Variants in QKI observed in about 807,000 individuals in gnomAD.
The protein encoded by QKI is QKI, KH domain containing RNA binding.
In QKI, 10 loss-of-function variants were observed where a neutral mutation model predicts 39.0. The observed-to-expected ratio is 0.26, with a 90% CI of 0.16 to 0.43. The LOEUF is 0.43. Among genes scored for constraint, QKI ranks in the 20% least tolerant of loss-of-function variants. QKI has a pLI of 1.00. For missense variants in QKI, 218 were observed against 428.0 expected, an observed-to-expected ratio of 0.51 and a Z score of 4.33; for synonymous variants, 204 against 155.4, an observed-to-expected ratio of 1.31 and a Z score of -2.33.
intron 3 of QKI, among the ~76,000 whole-genome samples, chr6:163,527,892 C>T (rs1032283827): frequency 6.6e-6 from 1 of 152,104 alleles, no homozygotes; most frequent in Non-Finnish European, 1.5e-5. Context: ...AACAACCTCA[C>T]CTATTCGAAA....
In QKI at chr6:163,423,308, A is replaced by C. The variant is rs1466145624; in HGVS notation, c.142+7973A>C. 3 of 152,272 alleles carry C rather than the reference A, an allele frequency of 2.0e-5. No homozygotes were observed. In the East Asian group the frequency reaches 5.8e-4, roughly 29 times the overall value. The allele number at this position is 152,272 out of a possible 1,614,324, so 9.4% of individuals were successfully genotyped here. A position where few individuals can be genotyped will look rare whatever the true frequency, so the allele number is the denominator to read the frequency against. On this transcript the variant is annotated intron_variant, in intron 1 of 7. Transcript: ENST00000361752. Reference sequence around the variant, plus strand: ...ATCTCAAAAACAAATAAAATTTGGAACCTTTTTTGTAAACTCTTCAATGTC... The same window carrying C: ...ATCTCAAAAACAAATAAAATTTGGACCCTTTTTTGTAAACTCTTCAATGTC...
chr6:163,434,038 G>A (rs1183992876), intron 1 of QKI, among the ~76,000 whole-genome samples: 5 of 152,170 alleles, frequency 3.3e-5, no homozygotes, highest in Admixed American at 2.6e-4. Context: ...TAGCAAAACC[G>A]ATGTCGATTC....
intron 4 of QKI, among the ~76,000 whole-genome samples, chr6:163,556,503 CAAAAAAA>C (rs61233361): frequency 2.4e-5 from 2 of 83,084 alleles, no homozygotes; most frequent in Non-Finnish European, 5.1e-5. Flanking sequence ...AATTCCACCT[CAAAAAAA>C]AAAAAAAAAA....
At position 163,415,143 on chromosome 6, in the gene QKI, C is replaced by CCGGCGGCGG. The variant is rs751570501; in HGVS notation, c.-35_-27dup. 4.3e-4 allele frequency: 585 copies of CCGGCGGCGG among 1,357,142 alleles called. 1 individual carries two copies. The highest frequency in any genetic ancestry group is 2.6e-3 in the African/African-American group (164 of 63,788). The allele number at this position is 1,357,142 out of a possible 1,614,324, so 84.1% of individuals were successfully genotyped here. A position where few individuals can be genotyped will look rare whatever the true frequency, so the allele number is the denominator to read the frequency against. On this transcript the variant is annotated 5_prime_UTR_variant, in exon 1 of 8. Transcript: ENST00000361752. ...GCTCGCCCCCGCCCCTCCCTCCTCTCCGGCGGCGGCGGCGGCGGCGGCGGG... is the reference window on the plus strand; with the variant it reads ...GCTCGCCCCCGCCCCTCCCTCCTCTCCGGCGGCGGCGGCGGCGGCGGCGGCGGCGGCGGG...
chr6:163,525,267 CTT>C (rs59849901), intron 3 of QKI, among the ~76,000 whole-genome samples: 3,636 of 139,154 alleles, frequency 0.026, 152 homozygotes, highest in African/African-American at 0.088. Context: ...ATCTTGTTTC[CTT>C]TTTTTTTTTT....
intron 3 of QKI, among the ~76,000 whole-genome samples, chr6:163,500,561 T>C (rs1299063783): frequency 6.6e-6 from 1 of 152,190 alleles, no homozygotes; most frequent in African/African-American, 2.4e-5. Flanking sequence ...TATTTCCAAT[T>C]TCCTCAATGA....
At chr6:163,477,030 T>C (rs1318545405) in intron 2 of QKI, among the ~76,000 whole-genome samples, 5 of 151,288 alleles carry the variant, frequency 3.3e-5, no homozygotes, top group Non-Finnish European at 1.5e-5. Context: ...GTTTTTTTTT[T>C]TTTGAGACAG....
chr6:163,424,630 C>A (rs1457621034), intron 1 of QKI, among the ~76,000 whole-genome samples: 3 of 150,228 alleles, frequency 2.0e-5, no homozygotes, highest in Non-Finnish European at 2.9e-5. Flanking sequence ...AGCATCACTG[C>A]TTGGTTTTTA....
chr6:163,498,131 T>C (rs1405120083), intron 3 of QKI, among the ~76,000 whole-genome samples: 2 of 151,518 alleles, frequency 1.3e-5, no homozygotes, highest in Non-Finnish European at 1.5e-5. Context: ...AGTAGTCTTA[T>C]TTGCTTATAG....
Position 163,415,170 on chromosome 6 carries a change from G to T in QKI, c.-24G>T, listed in dbSNP as rs201861532. The T allele has an allele frequency of 9.2e-5, 135 of 1,462,818 alleles. No homozygotes were observed. In the African/African-American group the frequency reaches 1.5e-3, roughly 16 times the overall value. 90.6% of individuals were successfully genotyped at this position (1,462,818 alleles called of 1,614,324 possible). ...GGCGGCGGCGGCGGCGGCGGCGGGCGGAGTGAGCTGCGGAGCCTGGAATAT... is the reference window on the plus strand; with the variant it reads ...GGCGGCGGCGGCGGCGGCGGCGGGCTGAGTGAGCTGCGGAGCCTGGAATAT... On this transcript the variant is annotated 5_prime_UTR_variant, in exon 1 of 8. Transcript: ENST00000361752.
At chr6:163,517,080 TTTCTC>T (rs879372451) in intron 3 of QKI, among the ~76,000 whole-genome samples, 43,254 of 135,956 alleles carry the variant, frequency 0.32, 6,806 homozygotes, top group African/African-American at 0.49. Context: ...TCTCTCTCTC[TTTCTC>T]TCTCTCTCTC....
At chr6:163,420,190 CTTTT>C (rs35712540) in intron 1 of QKI, among the ~76,000 whole-genome samples, 1 of 98,044 alleles carries the variant, frequency 1.0e-5, no homozygotes, top group Non-Finnish European at 2.2e-5. Context: ...TTTTTCTTTC[CTTTT>C]TTTTTTTTAT....
intron 1 of QKI, among the ~76,000 whole-genome samples, chr6:163,440,136 C>T (rs1448836992): frequency 6.6e-6 from 1 of 152,148 alleles, no homozygotes; most frequent in African/African-American, 2.4e-5. Flanking sequence ...ACTCACTGCC[C>T]CATCTTTTCC....
chr6:163,455,703 G>A (rs1015574931), intron 2 of QKI, among the ~76,000 whole-genome samples: 1 of 152,186 alleles, frequency 6.6e-6, no homozygotes, highest in Non-Finnish European at 1.5e-5. Context: ...CTGACACAGA[G>A]CACCAAGCAC....
chr6:163,519,997 C>T (rs922585387), intron 3 of QKI, among the ~76,000 whole-genome samples: 3 of 152,062 alleles, frequency 2.0e-5, no homozygotes, highest in Non-Finnish European at 4.4e-5. Flanking sequence ...GGACAAGTAA[C>T]GTACCCTTTG....
intron 2 of QKI, among the ~76,000 whole-genome samples, chr6:163,474,860 G>A (rs1192261041): frequency 6.7e-6 from 1 of 149,366 alleles, no homozygotes; most frequent in African/African-American, 2.5e-5. Context: ...AAGAATTCAA[G>A]GCTACAGTGC....
chr6:163,569,832 A>AT (rs1783598197), intron 7 of QKI: 1 of 986,426 alleles, frequency 1.0e-6, no homozygotes, highest in Non-Finnish European at 1.2e-6. Flanking sequence ...AAAATGCCTT[A>AT]TTGGTATCAA....
chr6:163,503,825 C>T lies in QKI; in HGVS notation c.402+24929C>T, dbSNP rs143333186. ...CTCGATCTTGGCTCACTGCAACTTC[C>T]GCCTCCTGGGTTCAAGCAAGTCTCC... On this transcript the variant is annotated intron_variant, in intron 3 of 7. Coordinates refer to ENST00000361752, the MANE Select transcript of QKI (RefSeq NM_006775.3). 4.8e-4 allele frequency among the ~76,000 whole-genome samples: 73 copies of T among 151,994 alleles called. No individual in the cohort carries two copies. In the East Asian group the frequency reaches 0.01, roughly 21 times the overall value.
chr6:163,421,205 TA>T (rs1787965656), intron 1 of QKI, among the ~76,000 whole-genome samples: 1 of 152,250 alleles, frequency 6.6e-6, no homozygotes, highest in Non-Finnish European at 1.5e-5. Context: ...AAAAACAACT[TA>T]AAAACATGTC....
Sources: allele counts gnomAD v4.1 joint callset (sites outside exome capture counted in the v4.1 genomes callset), GRCh38; gene constraint gnomAD v4.1.1; transcripts MANE v1.5; gene names NCBI Gene and HGNC (gene_info 2026-07-23, HGNC 2026-07-21).